The following THSD7B variants were observed in gnomAD, a reference collection of about 807,000 sequenced individuals.
THSD7B encodes the protein thrombospondin type-1 domain-containing protein 7B.
A neutral mutation model predicts 213.6 loss-of-function variants in THSD7B; 138 were observed. The observed-to-expected ratio is 0.65, with a 90% CI of 0.56 to 0.74. The LOEUF is 0.74. THSD7B is among the 30% of genes least tolerant of loss of function. The pLI, the probability that THSD7B is intolerant of heterozygous loss-of-function variation, is 0.00. For missense variants in THSD7B, 1,931 were observed against 1,991.5 expected (o/e 0.97, Z 0.58); for synonymous variants, 742 against 687.0 (o/e 1.08, Z -1.25).
At chr2:137,452,916 C>A (rs1261850146) in intron 15 of THSD7B, among the ~76,000 whole-genome samples, 1 of 152,082 alleles carries the variant, frequency 6.6e-6, no homozygotes, top group Non-Finnish European at 1.5e-5. Context: ...AATCAAAGTT[C>A]AAGAATAATT....
At chr2:137,501,521 T>G (rs1679705686) in intron 15 of THSD7B, among the ~76,000 whole-genome samples, 1 of 152,192 alleles carries the variant, frequency 6.6e-6, no homozygotes, top group Admixed American at 6.5e-5. Flanking sequence ...TGACATATTA[T>G]GAAAATGAAT....
chr2:136,922,974 A>G (rs564165302), intron 2 of THSD7B, among the ~76,000 whole-genome samples: 6 of 152,302 alleles, frequency 3.9e-5, no homozygotes, highest in African/African-American at 1.2e-4. Context: ...GGCAAAAGGT[A>G]TCATTAATTT....
chr2:136,912,583 T>C (rs1440713300), intron 2 of THSD7B, among the ~76,000 whole-genome samples: 2 of 152,278 alleles, frequency 1.3e-5, no homozygotes, highest in East Asian at 1.9e-4. Flanking sequence ...TCATCTTGAA[T>C]TGTATCTCCC....
chr2:137,288,500 G>A (rs944420301), intron 12 of THSD7B, among the ~76,000 whole-genome samples: 2 of 151,974 alleles, frequency 1.3e-5, no homozygotes, highest in Non-Finnish European at 2.9e-5. Flanking sequence ...ATGCCAGGAA[G>A]GGTTTTGAGA....
intron 12 of THSD7B, among the ~76,000 whole-genome samples, chr2:137,378,076 A>T (rs1204693948): frequency 6.6e-6 from 1 of 152,186 alleles, no homozygotes; most frequent in African/African-American, 2.4e-5. Context: ...AAGAAAGTCA[A>T]CTGAAATAAA....
chr2:137,331,943 G>A lies in THSD7B; in HGVS notation c.2500+55917G>A, dbSNP rs549943584. On this transcript the variant is annotated intron_variant, in intron 12 of 27. Coordinates refer to ENST00000409968, the MANE Select transcript of THSD7B (RefSeq NM_001316349.2). ...CCCACGCCCACCCGGAATTCCAGCTGGCCCACAAGCGCCGCACACAGCCCC... is the reference window on the plus strand; with the variant it reads ...CCCACGCCCACCCGGAATTCCAGCTAGCCCACAAGCGCCGCACACAGCCCC... 2.0e-5 allele frequency among the ~76,000 whole-genome samples: 3 copies of A among 152,222 alleles called. No individual in the cohort carries two copies. In the East Asian group the frequency reaches 5.8e-4, roughly 30 times the overall value.
At position 137,056,952 on chromosome 2, in the gene THSD7B, A is replaced by T. The variant is rs1322990088; in HGVS notation, c.672A>T (p.Arg224Ser). ...AATGTCCAAATCTGACTGAGTCAAGAGCCTGTGATGCTCCCATTTCCTGTC... is the reference window on the plus strand; with the variant it reads ...AATGTCCAAATCTGACTGAGTCAAGTGCCTGTGATGCTCCCATTTCCTGTC... ...GLQCPNLTES[R>S]ACDAPISCPL... Residue 224 changes from arginine to serine, a missense_variant, in exon 3 of 28, where the codon AGA becomes AGT. Coordinates refer to ENST00000409968, the MANE Select transcript of THSD7B (RefSeq NM_001316349.2). 7.4e-6 allele frequency: 12 copies of T among 1,613,800 alleles called. No individual in the cohort carries two copies. The highest frequency in any genetic ancestry group is 1.3e-5 in the African/African-American group (1 of 74,886).
chr2:136,865,753 G>C (rs191137950), intron 1 of THSD7B, among the ~76,000 whole-genome samples: 8 of 152,286 alleles, frequency 5.3e-5, no homozygotes, highest in African/African-American at 1.9e-4. Flanking sequence ...CCCTGGAGCT[G>C]GCGTTACCAG....
chr2:137,264,951 A>G (rs544062984), intron 10 of THSD7B, among the ~76,000 whole-genome samples: 1 of 151,992 alleles, frequency 6.6e-6, no homozygotes, highest in Non-Finnish European at 1.5e-5. Context: ...AGCATTAGGT[A>G]TATCTCCCAA....
chr2:137,414,835 C>A (rs1326005845), intron 14 of THSD7B, among the ~76,000 whole-genome samples: 2 of 152,034 alleles, frequency 1.3e-5, no homozygotes, highest in Non-Finnish European at 2.9e-5. Flanking sequence ...GCAGGTGGAT[C>A]ACTTGAGGCC....
At chr2:137,077,668 G>T (rs1454712282) in intron 3 of THSD7B, among the ~76,000 whole-genome samples, 1 of 151,652 alleles carries the variant, frequency 6.6e-6, no homozygotes, top group Admixed American at 6.6e-5. Context: ...TTTTTGATGG[G>T]GTTGTTTGTT....
In THSD7B at chr2:137,411,715, G is replaced by C; in HGVS notation, c.2802G>C (p.Trp934Cys). The C allele has an allele frequency of 6.2e-7, 1 of 1,613,962 alleles. No individual in the cohort carries two copies. Among genetic ancestry groups the C allele is most frequent in the Non-Finnish European group, 8.5e-7 (1 of 1,179,902 alleles). Residue 934 changes from tryptophan (W) to cysteine (C), a missense_variant, in exon 14 of 28, where the codon TGG (tryptophan) becomes TGC (cysteine). Coordinates refer to ENST00000409968, the MANE Select transcript of THSD7B (RefSeq NM_001316349.2). ...DEFISQPYGN[W>C]SDCILPEGRR... ...TTATATCCCAACCTTATGGAAACTG[G>C]TCAGATTGCATTCTTCCAGAAGGCA...
rs957881346 is a variant in THSD7B at position 137,411,650 on chromosome 2, T to C, written c.2737T>C (p.Tyr913His). Residue 913 changes from tyrosine (Y) to histidine (H), a missense_variant, in exon 14 of 28, where the codon TAC becomes CAC. Coordinates refer to ENST00000409968, the MANE Select transcript of THSD7B (RefSeq NM_001316349.2). ...KKEKCQDSDL[Y>H]PLVETELCPC... ...GGAGAAATGCCAGGATTCTGACCTT[T>C]ACCCTCTAGTGGAGACAGAACTATG... The C allele has an allele frequency of 1.2e-6, 2 of 1,613,860 alleles. No homozygotes were observed. The highest frequency in any genetic ancestry group is 2.7e-5 in the African/African-American group (2 of 74,936).
intron 2 of THSD7B, among the ~76,000 whole-genome samples, chr2:136,940,074 C>T (rs115687196): frequency 0.01 from 1,590 of 152,192 alleles, 21 homozygotes; most frequent in African/African-American, 0.036. Context: ...TCTTTTTTAA[C>T]ATTTGTATAA....
intron 2 of THSD7B, among the ~76,000 whole-genome samples, chr2:136,998,999 G>T (rs1052590978): frequency 1.3e-4 from 19 of 150,200 alleles, no homozygotes. Context: ...CATGAGTGAA[G>T]ATCCTGTTCA....
chr2:137,261,654 TA>T (rs1274319557), intron 10 of THSD7B, among the ~76,000 whole-genome samples: 1 of 152,156 alleles, frequency 6.6e-6, no homozygotes, highest in Non-Finnish European at 1.5e-5. Flanking sequence ...ATACAAGCAT[TA>T]ACATGTACCT....
chr2:137,502,394 G>T (rs1679731291), intron 15 of THSD7B, among the ~76,000 whole-genome samples: 2 of 151,974 alleles, frequency 1.3e-5, no homozygotes, highest in Admixed American at 1.3e-4. Context: ...ACAGAGATAG[G>T]AACAGATGGA....
intron 2 of THSD7B, among the ~76,000 whole-genome samples, chr2:137,004,350 C>T (rs536455011): frequency 4.0e-4 from 59 of 146,098 alleles, no homozygotes; most frequent in African/African-American, 1.1e-3. Flanking sequence ...CACACACAAA[C>T]TTATTCCAGG....
chr2:137,275,810 C>T, intron 11 of THSD7B, 113 bp from the exon 12 acceptor site: 1 of 723,358 alleles, frequency 1.4e-6, no homozygotes, highest in Non-Finnish European at 2.2e-6. Context: ...ATTTCATATC[C>T]ATTTTTATTG....
Sources: allele counts gnomAD v4.1 joint callset (sites outside exome capture counted in the v4.1 genomes callset), GRCh38; gene constraint gnomAD v4.1.1; transcripts MANE v1.5; gene names NCBI Gene and HGNC (gene_info 2026-07-23, HGNC 2026-07-21).